TTC7B: variants seen among roughly 807,000 people sequenced by gnomAD.
TTC7B encodes the protein tetratricopeptide repeat protein 7B.
TTC7B carries 28 observed loss-of-function variants against 106.8 expected under a neutral mutation model. That is an observed-to-expected ratio of 0.26 (90% CI 0.19 to 0.36). TTC7B has a LOEUF of 0.36. TTC7B is among the 10% of genes least tolerant of loss of function. The probability of loss-of-function intolerance (pLI) is 1.00; values close to 1 mark genes in which losing one functional copy is unlikely to be tolerated. For missense variants in TTC7B, 862 were observed against 1,076.4 expected (o/e 0.80, Z 2.79); for synonymous variants, 405 against 430.6 (o/e 0.94, Z 0.74).
At chr14:90,550,493 C>A (rs1182055852) in intron 19 of TTC7B, among the ~76,000 whole-genome samples, 1 of 152,202 alleles carries the variant, frequency 6.6e-6, no homozygotes, top group African/African-American at 2.4e-5. Context: ...CTGTTCCACC[C>A]TCCCCTCTCT....
At chr14:90,699,300 G>C (rs896542798) in intron 5 of TTC7B, 3 of 440,772 alleles carry the variant, frequency 6.8e-6, no homozygotes, top group African/African-American at 6.1e-5. Flanking sequence ...ACCAAGGCTA[G>C]AGAAATTTGG....
Position 90,680,465 on chromosome 14 carries a change from C to T in TTC7B, c.1014+7G>A, listed in dbSNP as rs1294352038. 2.5e-6 allele frequency: 4 copies of T among 1,612,046 alleles called. No homozygotes were observed. Among genetic ancestry groups the T allele is most frequent in the African/African-American group, 2.7e-5 (2 of 74,872 alleles). ...GAAAGAACGATGTAAAAACACATTC[C>T]ACTTACCATTGATTCACTAATCAGC... On this transcript the variant is annotated splice_region_variant and intron_variant, in intron 8 of 19. Transcript: ENST00000328459.
At chr14:90,799,714 T>C (rs1455473735) in intron 1 of TTC7B, among the ~76,000 whole-genome samples, 1 of 152,054 alleles carries the variant, frequency 6.6e-6, no homozygotes, top group African/African-American at 2.4e-5. Flanking sequence ...GGGGTGGAGA[T>C]AGACAGCGGG....
intron 15 of TTC7B, among the ~76,000 whole-genome samples, chr14:90,634,601 G>A (rs563841368): frequency 2.0e-5 from 3 of 152,100 alleles, no homozygotes; most frequent in Admixed American, 6.5e-5. Context: ...GCAAAACCCC[G>A]TCTATACTAA....
At position 90,537,378 on chromosome 14, in the gene TTC7B, G is replaced by GGT. The variant is rs1555372760; in HGVS notation, c.*3989_*3990insAC. On this transcript the variant is annotated 3_prime_UTR_variant, in exon 20 of 20. Coordinates refer to ENST00000328459, the MANE Select transcript of TTC7B (RefSeq NM_001010854.2). ...TTTTTTTTTTTTTGTAGAGATGGGG[G>GGT]GGGGGTCTCACCATGTTGCCCAGGC... 1.7e-5 allele frequency: 2 copies of GGT among 119,688 alleles called. No individual in the cohort carries two copies. Among genetic ancestry groups the GGT allele is most frequent in the South Asian group, 2.9e-4 (1 of 3,422 alleles). The allele number at this position is 119,688 out of a possible 1,614,324, so 7.4% of individuals were successfully genotyped here. A position where few individuals can be genotyped will look rare whatever the true frequency, so the allele number is the denominator to read the frequency against.
chr14:90,696,331 C>T (rs1418600393), intron 5 of TTC7B, among the ~76,000 whole-genome samples: 1 of 152,214 alleles, frequency 6.6e-6, no homozygotes, highest in Non-Finnish European at 1.5e-5. Flanking sequence ...TCTCTGAAAG[C>T]TGCATCCAGC....
rs1884336157 is a variant in TTC7B, at chr14:90,624,123, T to C, written c.1752-6078A>G. Among the ~76,000 whole-genome samples, 1 of 152,198 alleles carries C rather than the reference T, an allele frequency of 6.6e-6. No homozygotes were observed. Among genetic ancestry groups the C allele is most frequent in the African/African-American group, 2.4e-5 (1 of 41,470 alleles). On this transcript the variant is annotated intron_variant, in intron 15 of 19. Transcript: ENST00000328459. This position sits in a 1 kb window ranked among gnomAD's most constrained non-coding sequence, Gnocchi z 4.0. The stretch of plus-strand genomic sequence containing the variant: ...GCATGTGTGTGTGCGCGTGCGCGTG[T>C]GTGTGTTTTGTGACTTGTCTTTCAT...
At position 90,689,587 on chromosome 14, in the gene TTC7B, T is replaced by C. The variant is rs1887385232; in HGVS notation, c.903A>G (p.Thr301=). 6.2e-7 allele frequency: 1 copy of C among 1,614,178 alleles called. No individual in the cohort carries two copies. The highest frequency in any genetic ancestry group is 1.3e-5 in the African/African-American group (1 of 75,064). ...CTCTCCGAGTGAGAGTGTAGGTTTT[T>C]GTGTTTGCTCCTTTGCGGAGAGGAT... ...LDDPLRKGAN[T]KTYTLTRRAR... is the part of the protein sequence containing the mutation. The change falls in exon 7 of 20, where the codon ACA becomes ACG. Residue 301 remains threonine, a synonymous_variant. Transcript: ENST00000328459.
intron 9 of TTC7B, among the ~76,000 whole-genome samples, chr14:90,665,577 T>A (rs1442557803): frequency 2.0e-5 from 3 of 152,158 alleles, no homozygotes; most frequent in Admixed American, 1.3e-4. Flanking sequence ...AAAGCCAAAG[T>A]CTATTTTTGG....
At chr14:90,569,405 G>A (rs1566775001) in intron 19 of TTC7B, among the ~76,000 whole-genome samples, 1 of 152,194 alleles carries the variant, frequency 6.6e-6, no homozygotes. Flanking sequence ...ATGAGAGTGT[G>A]TCCCAACAGA....
chr14:90,555,959 C>T (rs924621228), intron 19 of TTC7B, among the ~76,000 whole-genome samples: 1 of 152,190 alleles, frequency 6.6e-6, no homozygotes, highest in Non-Finnish European at 1.5e-5. Flanking sequence ...CCCGGTGCCC[C>T]GGGGTCCACA....
rs1482571514 is a variant in TTC7B at position 90,709,969 on chromosome 14, C to T, written c.699-14391G>A. ...TTCTCTTTCGTTAAAAAAAAAAAAA[C>T]CTTATGTGCCAGAAAAAAAAAAAAA... On this transcript the variant is annotated intron_variant, in intron 5 of 19. Transcript: ENST00000328459. 2.4e-4 allele frequency among the ~76,000 whole-genome samples: 22 copies of T among 92,596 alleles called. No homozygotes were observed. The East Asian group carries it at 5.2e-3, about 22-fold the overall frequency. 60.7% of individuals were successfully genotyped at this position (92,596 alleles called of 152,430 possible).
chr14:90,643,654 C>G (rs1885293217), intron 15 of TTC7B, among the ~76,000 whole-genome samples: 1 of 152,122 alleles, frequency 6.6e-6, no homozygotes, highest in South Asian at 2.1e-4. Context: ...ACAATCTCCA[C>G]TGACTGCAAC....
intron 19 of TTC7B, among the ~76,000 whole-genome samples, chr14:90,546,354 C>A (rs894097895): frequency 2.0e-5 from 3 of 152,252 alleles, no homozygotes; most frequent in African/African-American, 7.2e-5. Flanking sequence ...TTCTAGGGGC[C>A]CGGCTTGCTC....
intron 15 of TTC7B, among the ~76,000 whole-genome samples, chr14:90,631,728 C>T (rs1255760538): frequency 1.3e-5 from 2 of 152,078 alleles, no homozygotes; most frequent in Non-Finnish European, 1.5e-5. Flanking sequence ...ATTTTATATT[C>T]CCACTAGCAA....
chr14:90,578,418 G>T lies in TTC7B; in HGVS notation c.2108-110C>A. 8.9e-7 allele frequency: 1 copy of T among 1,120,330 alleles called. No individual in the cohort carries two copies. The highest frequency in any genetic ancestry group is 1.3e-6 in the Non-Finnish European group (1 of 770,530). The allele number at this position is 1,120,330 out of a possible 1,614,324, so 69.4% of individuals were successfully genotyped here. A position where few individuals can be genotyped will look rare whatever the true frequency, so the allele number is the denominator to read the frequency against. ...CTGCACGGGAGTCTGGCGGGGCGCAGAGCCAGCTGATCCCTGCTCCAAGTG... is the reference window on the plus strand; with the variant it reads ...CTGCACGGGAGTCTGGCGGGGCGCATAGCCAGCTGATCCCTGCTCCAAGTG... On this transcript the variant is annotated intron_variant, in intron 18 of 19. Coordinates refer to ENST00000328459, the MANE Select transcript of TTC7B (RefSeq NM_001010854.2). The surrounding 1 kb of genome is among the most constrained non-coding windows in gnomAD (Gnocchi z 4.7).
rs953487526 is a variant in TTC7B, at chr14:90,805,431, T to A, written c.121+10744A>T. 7.2e-5 allele frequency among the ~76,000 whole-genome samples: 11 copies of A among 152,094 alleles called. No individual in the cohort carries two copies. The highest frequency in any genetic ancestry group is 2.7e-4 in the African/African-American group (11 of 41,422). On this transcript the variant is annotated intron_variant, in intron 1 of 19. Transcript: ENST00000328459. This position sits in a 1 kb window ranked among gnomAD's most constrained non-coding sequence, Gnocchi z 4.0. The stretch of plus-strand genomic sequence containing the variant: ...GGCGTGTACCACAATGCCCGGCTAA[T>A]TTTTTTGTACTTTTAGTAGAGACAG...
Position 90,538,212 on chromosome 14 carries a change from G to A in TTC7B, c.*3156C>T, listed in dbSNP as rs532129165. 98 of 152,208 alleles carry A rather than the reference G, an allele frequency of 6.4e-4. No homozygotes were observed. Among genetic ancestry groups the A allele is most frequent in the African/African-American group, 2.3e-3 (97 of 41,542 alleles). 9.4% of individuals were successfully genotyped at this position (152,208 alleles called of 1,614,324 possible). On this transcript the variant is annotated 3_prime_UTR_variant, in exon 20 of 20. Transcript: ENST00000328459. ...GTGTCCTGCCGTCTTAGTGTCTAGC[G>A]TCTGCGTCCTCATCTATTAATGGAT... is the stretch of plus-strand genomic sequence containing the variant.
chr14:90,663,928 C>T lies in TTC7B; in HGVS notation c.1153-5541G>A, dbSNP rs546480923. ...TTCAGATGCTCCTGAAATGCTGATG[C>T]CAAGCATGCTGCCTGGATATATAAC... On this transcript the variant is annotated intron_variant, in intron 9 of 19. Transcript: ENST00000328459. The surrounding 1 kb of genome is among the most constrained non-coding windows in gnomAD (Gnocchi z 4.5). 1.3e-5 allele frequency among the ~76,000 whole-genome samples: 2 copies of T among 152,296 alleles called. No individual in the cohort carries two copies. Among genetic ancestry groups the T allele is most frequent in the African/African-American group, 4.8e-5 (2 of 41,552 alleles).
Sources: gnomAD v4.1 joint callset for allele counts (sites outside exome capture counted in the v4.1 genomes callset) on GRCh38, gnomAD v4.1.1 for gene constraint, Gnocchi (gnomAD v3.1) non-coding constraint, MANE v1.5 for transcripts, NCBI Gene and HGNC (gene_info 2026-07-23, HGNC 2026-07-21) for gene names.